The following OSGEP variants were observed in gnomAD, a reference collection of about 807,000 sequenced individuals.
OSGEP encodes tRNA N6-adenosine threonylcarbamoyltransferase.
OSGEP carries 39 observed loss-of-function variants against 44.1 expected under a neutral mutation model. The ratio of observed to expected loss-of-function variants is 0.88; its 90% CI spans 0.69 to 1.16. The LOEUF is 1.16. Among genes scored for constraint, OSGEP ranks in the 50% most tolerant of loss-of-function variants. The pLI is 0.00. For synonymous variants in OSGEP, 139 were observed against 161.9 expected (o/e 0.86, Z 1.07); for missense variants, 403 against 443.1 (o/e 0.91, Z 0.81).
Position 20,447,936 on chromosome 14 carries a change from G to C in OSGEP, c.761C>G (p.Ser254Cys), listed in dbSNP as rs987633582. 7.4e-6 allele frequency: 12 copies of C among 1,613,654 alleles called. No homozygotes were observed. Among genetic ancestry groups the C allele is most frequent in the African/African-American group, 2.7e-5 (2 of 74,912 alleles). Reference protein sequence around the residue: ...ITERAMAHCGSQEALIVGGVG... With the variant: ...ITERAMAHCGCQEALIVGGVG... ...TCCTCCCACAATGAGGGCCTCCTGGGAGCCACAATGTGCCATGGCTCGCTC... is the reference window on the plus strand; with the variant it reads ...TCCTCCCACAATGAGGGCCTCCTGGCAGCCACAATGTGCCATGGCTCGCTC... The change falls in exon 8 of 11, where the codon TCC becomes TGC. Residue 254 changes from serine (S) to cysteine (C), a missense_variant. Transcript: ENST00000206542.
At chr14:20,452,502 G>C in intron 1 of OSGEP, 54 bp from the exon 2 acceptor site, 1 of 1,591,706 alleles carries the variant, frequency 6.3e-7, no homozygotes, top group African/African-American at 1.3e-5. Flanking sequence ...GCAAAGGTAG[G>C]TAGGAAGTTA....
intron 6 of OSGEP, 69 bp downstream of exon 6, chr14:20,448,664 C>CAGATATGCTTATGTTTAT: frequency 9.1e-7 from 1 of 1,097,140 alleles, no homozygotes. Flanking sequence ...GAAATATAAT[C>CAGATATGCTTATGTTTAT]GTAAGTAAAA....
chr14:20,447,793 T>G, intron 8 of OSGEP, 103 bp from the exon 9 acceptor site: 2 of 1,229,362 alleles, frequency 1.6e-6, no homozygotes, highest in Non-Finnish European at 2.4e-6. Context: ...CATAGGGGAT[T>G]AGGGGCAAGG....
At chr14:20,452,200 T>C (rs1428671196) in intron 2 of OSGEP, 51 bp from the exon 3 acceptor site, 1 of 1,528,478 alleles carries the variant, frequency 6.5e-7, no homozygotes, top group Non-Finnish European at 8.8e-7. Flanking sequence ...AAAAAAACAA[T>C]AGTGGGGGAC....
Position 20,447,027 on chromosome 14 carries a change from G to C in OSGEP, c.*213C>G. 1 of 549,766 alleles carries C rather than the reference G, an allele frequency of 1.8e-6. No homozygotes were observed. The allele number at this position is 549,766 out of a possible 1,614,324, so 34.1% of individuals were successfully genotyped here. On this transcript the variant is annotated 3_prime_UTR_variant, in exon 11 of 11. Coordinates refer to ENST00000206542, the MANE Select transcript of OSGEP (RefSeq NM_017807.4). ...TTTATCCAGCACCAAATCTACATTG[G>C]TCCTGAACAACACAATCCAATCACC...
rs759474342 is a variant in OSGEP at position 20,454,632 on chromosome 14, C to G, written c.52G>C (p.Val18Leu). ...GCCAGCACCTTGCCATCCCGCACCA[C>G]GCCCACGCCAATCTTATTGGCGCTG... ...EGSANKIGVG[V>L]VRDGKVLANP... The change falls in exon 1 of 11, where the codon GTG becomes CTG. Residue 18 changes from valine to leucine, a missense_variant. Physicochemically the swap from Val to Leu is conservative, Grantham distance 32. Coordinates refer to ENST00000206542, the MANE Select transcript of OSGEP (RefSeq NM_017807.4). The G allele has an allele frequency of 6.2e-7, 1 of 1,614,212 alleles. No homozygotes were observed. Among genetic ancestry groups the G allele is most frequent in the South Asian group, 1.1e-5 (1 of 91,088 alleles).
intron 3 of OSGEP, chr14:20,451,291 G>A: frequency 3.5e-6 from 1 of 282,554 alleles, no homozygotes; most frequent in Non-Finnish European, 6.8e-6. Context: ...TCCTTTAGTT[G>A]TTTTTTTTTG....
chr14:20,451,955 G>A lies in OSGEP; in HGVS notation c.411+19C>T. 6.4e-7 allele frequency: 1 copy of A among 1,564,972 alleles called. No homozygotes were observed. The highest frequency in any genetic ancestry group is 8.7e-7 in the Non-Finnish European group (1 of 1,151,852). ...GTGCCTCAGAAATTGAGATGGAGTG[G>A]GTAGAGCCCTCTAAATACCTGCGTA... On this transcript the variant is annotated intron_variant, in intron 3 of 10. Transcript: ENST00000206542.
At position 20,448,990 on chromosome 14, in the gene OSGEP, T is replaced by C. The variant is rs1881028686; in HGVS notation, c.531A>G (p.Gly177=). The change falls in exon 5 of 11, where the codon GGA becomes GGG. Residue 177 remains glycine, a synonymous_variant. Coordinates refer to ENST00000206542, the MANE Select transcript of OSGEP (RefSeq NM_017807.4). ...GCTTTGCCATCTGTTCAATGTTGTA[T>C]CCTGGACTTGGGTCGTTAGAAATCT... ...VLKISNDPSP[G]YNIEQMAKRG... 1 of 1,613,958 alleles carries C rather than the reference T, an allele frequency of 6.2e-7. No individual in the cohort carries two copies. Among genetic ancestry groups the C allele is most frequent in the Non-Finnish European group, 8.5e-7 (1 of 1,179,980 alleles).
chr14:20,454,317 C>T (rs1046561202), intron 1 of OSGEP, among the ~76,000 whole-genome samples: 1 of 152,132 alleles, frequency 6.6e-6, no homozygotes, highest in Non-Finnish European at 1.5e-5. Flanking sequence ...ATGTCTGACT[C>T]CACAGCAGTA....
At position 20,446,952 on chromosome 14, in the gene OSGEP, A is replaced by G; in HGVS notation, c.*288T>C. On this transcript the variant is annotated 3_prime_UTR_variant, in exon 11 of 11. Transcript: ENST00000206542. ...GCAAGATTCCGTTTCTTAAAAAAAA[A>G]AAAAAAGATACCTCATTCTTGGTTC... 1 of 397,284 alleles carries G rather than the reference A, an allele frequency of 2.5e-6. No individual in the cohort carries two copies. 24.6% of individuals were successfully genotyped at this position (397,284 alleles called of 1,614,324 possible). A position where few individuals can be genotyped will look rare whatever the true frequency, so the allele number is the denominator to read the frequency against.
At chr14:20,448,690 TA>T in intron 6 of OSGEP, 42 bp downstream of exon 6, 2 of 1,373,752 alleles carry the variant, frequency 1.5e-6, no homozygotes, top group Non-Finnish European at 2.1e-6. Flanking sequence ...ATGCTTCATT[TA>T]AAAAGCATGA....
At position 20,454,774 on chromosome 14, in the gene OSGEP, C is replaced by G; in HGVS notation, c.-91G>C. 2.1e-6 allele frequency: 2 copies of G among 943,304 alleles called. 1 individual carries two copies. Among genetic ancestry groups the G allele is most frequent in the Non-Finnish European group, 3.3e-6 (2 of 608,690 alleles). The allele number at this position is 943,304 out of a possible 1,614,324, so 58.4% of individuals were successfully genotyped here. A position where few individuals can be genotyped will look rare whatever the true frequency, so the allele number is the denominator to read the frequency against. ...TAGTCCGCGCTGGGCCGCAGCTTTC[C>G]GGAGCGCAGAGGAAGCTGGCCAGCC... is the stretch of plus-strand genomic sequence containing the variant. On this transcript the variant is annotated 5_prime_UTR_variant, in exon 1 of 11. Coordinates refer to ENST00000206542, the MANE Select transcript of OSGEP (RefSeq NM_017807.4).
At position 20,447,442 on chromosome 14, in the gene OSGEP, ACT is replaced by A. The variant is rs752856901; in HGVS notation, c.946_947del (p.Ser316Ter). On this transcript the variant is annotated frameshift_variant, in exon 10 of 11. Coordinates refer to ENST00000206542, the MANE Select transcript of OSGEP (RefSeq NM_017807.4). LOFTEE classifies it high-confidence loss of function. ...CTCACCTCTGTGTAACCCCAGAATC[ACT>A]GAGTGGGGTCCTGTGTCCAGCCCGA... ...MFRAGHRTPL[S>X]DSGVTQRYRT... The A allele has an allele frequency of 3.7e-6, 6 of 1,613,646 alleles. No individual in the cohort carries two copies. Among genetic ancestry groups the A allele is most frequent in the East Asian group, 4.5e-5 (2 of 44,890 alleles).
At position 20,447,280 on chromosome 14, in the gene OSGEP, C is replaced by T. The variant is rs766276831; in HGVS notation, c.969-1G>A. 1.9e-6 allele frequency: 3 copies of T among 1,614,130 alleles called. No individual in the cohort carries two copies. In the South Asian group the frequency reaches 3.3e-5, roughly 18 times the overall value. ...CACCTCTACTTCATCTGTCCGATAC[C>T]TGTGGAAAAACAGAAGAAACATGGT... On this transcript the variant is annotated splice_acceptor_variant, in intron 10 of 10. Coordinates refer to ENST00000206542, the MANE Select transcript of OSGEP (RefSeq NM_017807.4). LOFTEE classifies it high-confidence loss of function.
intron 4 of OSGEP, 64 bp downstream of exon 4, chr14:20,449,107 C>G: frequency 6.7e-7 from 1 of 1,493,904 alleles, no homozygotes; most frequent in Admixed American, 1.7e-5. Context: ...TTTCCTCCCT[C>G]CACCTCCATG....
In OSGEP at chr14:20,447,674, C is replaced by G. The variant is rs1880983205; in HGVS notation, c.810G>C (p.Gln270His). Reference protein sequence around the residue: ...VGGVGCNVRLQEMMATMCQER... With the variant: ...VGGVGCNVRLHEMMATMCQER... ...CCTGGCACATTGTTGCCATCATCTCCTGTAGCCTCACATTACCTACAAAGA... is the reference window on the plus strand; with the variant it reads ...CCTGGCACATTGTTGCCATCATCTCGTGTAGCCTCACATTACCTACAAAGA... Residue 270 changes from glutamine to histidine, a missense_variant, in exon 9 of 11, where the codon CAG (glutamine) becomes CAC (histidine). Gln to His is a conservative substitution (Grantham distance 24, BLOSUM62 0). Coordinates refer to ENST00000206542, the MANE Select transcript of OSGEP (RefSeq NM_017807.4). 1.2e-6 allele frequency: 2 copies of G among 1,613,750 alleles called. No homozygotes were observed. Among genetic ancestry groups the G allele is most frequent in the Non-Finnish European group, 1.7e-6 (2 of 1,179,774 alleles).
intron 3 of OSGEP, chr14:20,449,933 T>C (rs1881051165): frequency 6.6e-6 from 1 of 152,286 alleles, no homozygotes; most frequent in South Asian, 2.1e-4. Flanking sequence ...AGCTGGGCAG[T>C]GGTATTTAGA....
chr14:20,450,283 G>A (rs1429962061), intron 3 of OSGEP: 1 of 152,174 alleles, frequency 6.6e-6, no homozygotes, highest in Admixed American at 6.5e-5. Context: ...ATATTCTGCA[G>A]ACTTATAACA....
Sources: allele counts gnomAD v4.1 joint callset (sites outside exome capture counted in the v4.1 genomes callset), GRCh38; gene constraint gnomAD v4.1.1; transcripts MANE v1.5; gene names NCBI Gene and HGNC (gene_info 2026-07-23, HGNC 2026-07-21).